LRRN4: variants seen among roughly 807,000 people sequenced by gnomAD.
LRRN4 encodes the protein leucine rich repeat neuronal 4.
LRRN4 carries 26 observed loss-of-function variants against 22.3 expected under a neutral mutation model. The observed-to-expected ratio is 1.16, with a 90% CI of 0.85 to 1.62. The LOEUF is 1.62. Among genes scored for constraint, LRRN4 ranks in the 40% most tolerant of loss-of-function variants. The pLI is 0.00. For synonymous variants in LRRN4, 496 were observed against 486.2 expected (o/e 1.02, Z -0.26); for missense variants, 1,070 against 1,008.5 (o/e 1.06, Z -0.83).
At chr20:6,051,146 A>G (rs1165947832) in intron 2 of LRRN4, among the ~76,000 whole-genome samples, 163 bp from the exon 3 acceptor site, 1 of 152,214 alleles carries the variant, frequency 6.6e-6, no homozygotes, top group Non-Finnish European at 1.5e-5. Context: ...TGGTCATTTC[A>G]GCTGGAAGGG....
chr20:6,052,085 C>G, intron 2 of LRRN4, 60 bp downstream of exon 2: 2 of 1,513,264 alleles, frequency 1.3e-6, no homozygotes, highest in Non-Finnish European at 1.8e-6. Flanking sequence ...CCCCCCGGAG[C>G]GCACGCGCAG....
At position 6,047,754 on chromosome 20, in the gene LRRN4, G is replaced by A. The variant is rs1049700587; in HGVS notation, c.860+3025C>T. On this transcript the variant is annotated intron_variant, in intron 3 of 4. Transcript: ENST00000378858. Reference sequence around the variant, plus strand: ...TGCAGTGAGCTGAGATAGAGCCACTGCACTCCATCCTGGTGGCAGAGCAAG... The same window carrying A: ...TGCAGTGAGCTGAGATAGAGCCACTACACTCCATCCTGGTGGCAGAGCAAG... Among the ~76,000 whole-genome samples the A allele has an allele frequency of 3.3e-5, 5 of 150,048 alleles. No individual in the cohort carries two copies. The East Asian group carries it at 9.7e-4, about 29-fold the overall frequency.
At chr20:6,052,909 G>A (rs537231637) in intron 1 of LRRN4, 105 bp from the exon 2 acceptor site, 21 of 1,179,018 alleles carry the variant, frequency 1.8e-5, no homozygotes, top group South Asian at 6.3e-5. Flanking sequence ...GAGGAGCACA[G>A]GCGCTGGATG....
At position 6,041,700 on chromosome 20, in the gene LRRN4, G is replaced by A. The variant is rs777451259; in HGVS notation, c.1545C>T (p.Ser515=). 11 of 1,613,288 alleles carry A rather than the reference G, an allele frequency of 6.8e-6. No individual in the cohort carries two copies. In the South Asian group the frequency reaches 8.8e-5, roughly 13 times the overall value. Residue 515 remains serine, a synonymous_variant, in exon 5 of 5, where the codon TCC becomes TCT. Coordinates refer to ENST00000378858, the MANE Select transcript of LRRN4 (RefSeq NM_152611.5). This position sits in a 1 kb window ranked among gnomAD's most constrained non-coding sequence, Gnocchi z 9.4. ...ATPQAPNPSL[S]EGEIPVLLLD... The stretch of plus-strand genomic sequence containing the variant: ...GCAGCAAGACTGGAATCTCGCCCTC[G>A]GAAAGACTCGGGTTGGGGGCTTGGG...
In LRRN4 at chr20:6,052,520, C is replaced by G; in HGVS notation, c.280G>C (p.Glu94Gln). ...HNLLRALSTSELGHLEQLQVL... is the reference protein window; with the variant it reads ...HNLLRALSTSQLGHLEQLQVL... ...TGCAGCTGCTCCAGGTGGCCGAGCTCGGAAGTGCTCAGGGCGCGCAGCAGG... is the reference window on the plus strand; with the variant it reads ...TGCAGCTGCTCCAGGTGGCCGAGCTGGGAAGTGCTCAGGGCGCGCAGCAGG... The change falls in exon 2 of 5, where the codon GAG (glutamate) becomes CAG (glutamine). Residue 94 changes from glutamate (E) to glutamine (Q), a missense_variant. By Grantham distance (29) the Glu-to-Gln change is conservative (BLOSUM62 2). Coordinates refer to ENST00000378858, the MANE Select transcript of LRRN4 (RefSeq NM_152611.5). 6.3e-7 allele frequency: 1 copy of G among 1,586,180 alleles called. No homozygotes were observed.
Position 6,044,602 on chromosome 20 carries a change from G to A in LRRN4, c.939C>T (p.Leu313=). 6.3e-7 allele frequency: 1 copy of A among 1,594,946 alleles called. No homozygotes were observed. The highest frequency in any genetic ancestry group is 8.5e-7 in the Non-Finnish European group (1 of 1,170,806). ...GCCAAGACAAGTCACAACTGCAAGT[G>A]AGGGGGTTGCCAAAGAGGTTGATCG... ...VLSINLFGNP[L]TCSCDLSWLL... is the part of the protein sequence containing the mutation. The change falls in exon 4 of 5, where the codon CTC becomes CTT. Residue 313 remains leucine, a synonymous_variant. Coordinates refer to ENST00000378858, the MANE Select transcript of LRRN4 (RefSeq NM_152611.5).
chr20:6,041,545 C>G lies in LRRN4; in HGVS notation c.1700G>C (p.Arg567Pro), dbSNP rs757312459. ...TPCAELQRRW[R>P]CRCPGLSGED... ...CCCGCTGAGGCCGGGGCACCGGCACCGCCACCGCCTCTGCAGCTCCGCGCA... is the reference window on the plus strand; with the variant it reads ...CCCGCTGAGGCCGGGGCACCGGCACGGCCACCGCCTCTGCAGCTCCGCGCA... The change falls in exon 5 of 5, where the codon CGG becomes CCG. Residue 567 changes from arginine (R) to proline (P), a missense_variant. Physicochemically the swap from Arg to Pro is moderately radical, Grantham distance 103. Coordinates refer to ENST00000378858, the MANE Select transcript of LRRN4 (RefSeq NM_152611.5). This position sits in a 1 kb window ranked among gnomAD's most constrained non-coding sequence, Gnocchi z 9.4. 2 of 1,549,154 alleles carry G rather than the reference C, an allele frequency of 1.3e-6. No individual in the cohort carries two copies. Among genetic ancestry groups the G allele is most frequent in the African/African-American group, 2.7e-5 (2 of 73,298 alleles).
intron 1 of LRRN4, 130 bp from the exon 2 acceptor site, chr20:6,052,934 G>C (rs1273066764): frequency 2.0e-6 from 2 of 1,004,024 alleles, no homozygotes; most frequent in Non-Finnish European, 2.8e-6. Context: ...CTGCAGGGCG[G>C]GGAGACGTTC....
chr20:6,052,574 TGC>T lies in LRRN4; in HGVS notation c.224_225del (p.Arg75HisfsTer142). The T allele has an allele frequency of 6.3e-7, 1 of 1,581,544 alleles. No homozygotes were observed. Among genetic ancestry groups the T allele is most frequent in the Admixed American group, 1.8e-5 (1 of 56,344 alleles). The part of the protein sequence containing the change: ...NLERLPGCLP[R>X]TLRSLDASHN... The stretch of plus-strand genomic sequence containing the variant: ...TGGCTGGCGTCGAGGCTGCGCAGTG[TGC>T]GCGGTAGGCAGCCGGGCAGGCGCTC... On this transcript the variant is annotated frameshift_variant, in exon 2 of 5. Coordinates refer to ENST00000378858, the MANE Select transcript of LRRN4 (RefSeq NM_152611.5). LOFTEE classifies it high-confidence loss of function.
At position 6,041,667 on chromosome 20, in the gene LRRN4, G is replaced by C. The variant is rs952097705; in HGVS notation, c.1578C>G (p.Asp526Glu). The C allele has an allele frequency of 6.2e-7, 1 of 1,611,858 alleles. No individual in the cohort carries two copies. The highest frequency in any genetic ancestry group is 1.1e-5 in the South Asian group (1 of 90,630). The change falls in exon 5 of 5, where the codon GAC (aspartate) becomes GAG (glutamate). Residue 526 changes from aspartate (D) to glutamate (E), a missense_variant. Asp to Glu is a conservative substitution (Grantham distance 45, BLOSUM62 2). Coordinates refer to ENST00000378858, the MANE Select transcript of LRRN4 (RefSeq NM_152611.5). This position sits in a 1 kb window ranked among gnomAD's most constrained non-coding sequence, Gnocchi z 9.4. ...TCCTCCCTTCCTCCTCCTCACTGTAGTCGTCCAGCAGCAAGACTGGAATCT... is the reference window on the plus strand; with the variant it reads ...TCCTCCCTTCCTCCTCCTCACTGTACTCGTCCAGCAGCAAGACTGGAATCT... ...EGEIPVLLLD[D>E]YSEEEEGRKE...
Position 6,044,553 on chromosome 20 carries a change from C to G in LRRN4, c.988G>C (p.Val330Leu). Residue 330 changes from valine (V) to leucine (L), a missense_variant, in exon 4 of 5, where the codon GTC (valine) becomes CTC (leucine). Val to Leu is a conservative substitution (Grantham distance 32). Coordinates refer to ENST00000378858, the MANE Select transcript of LRRN4 (RefSeq NM_152611.5). ...TTGTAAATGTGTTACCTGCTTAGGA[C>G]AGTTCTCTTTGCATCCGTGAGGAGC... ...SWLLTDAKRT[V>L]LSRAADTMCA... 6.3e-7 allele frequency: 1 copy of G among 1,577,814 alleles called. No homozygotes were observed. Among genetic ancestry groups the G allele is most frequent in the Non-Finnish European group, 8.6e-7 (1 of 1,163,474 alleles).
intron 3 of LRRN4, among the ~76,000 whole-genome samples, chr20:6,048,397 C>T (rs1981161274): frequency 6.6e-6 from 1 of 152,074 alleles, no homozygotes; most frequent in Admixed American, 6.5e-5. Context: ...CTTTATACTC[C>T]CAAATTTATA....
intron 4 of LRRN4, among the ~76,000 whole-genome samples, chr20:6,042,820 G>A (rs1981002433): frequency 6.6e-6 from 1 of 151,128 alleles, no homozygotes; most frequent in Admixed American, 6.6e-5. Context: ...TCAGGAGGCA[G>A]AGGCAGGAGA....
rs759496712 is a variant in LRRN4, at chr20:6,050,849, G to A, written c.790C>T (p.Pro264Ser). ...NLQQLDCQDS[P>S]ALASVATHIF... ...TGTGTGGCGACAGAAGCAAGTGCTG[G>A]GGAGTCCTGACAGTCCAGCTGCTGC... is the stretch of plus-strand genomic sequence containing the variant. The change falls in exon 3 of 5, where the codon CCA (proline) becomes TCA (serine). Residue 264 changes from proline to serine, a missense_variant. Pro to Ser is a moderately conservative substitution (Grantham distance 74). Coordinates refer to ENST00000378858, the MANE Select transcript of LRRN4 (RefSeq NM_152611.5). 1 of 1,614,040 alleles carries A rather than the reference G, an allele frequency of 6.2e-7. No individual in the cohort carries two copies. Among genetic ancestry groups the A allele is most frequent in the South Asian group, 1.1e-5 (1 of 91,072 alleles).
chr20:6,048,042 A>G (rs1407384295), intron 3 of LRRN4, among the ~76,000 whole-genome samples: 1 of 152,036 alleles, frequency 6.6e-6, no homozygotes, highest in African/African-American at 2.4e-5. Context: ...GACTCCTGCA[A>G]TGACTCTTCC....
Position 6,052,579 on chromosome 20 carries a change from G to C in LRRN4, c.221C>G (p.Pro74Arg), listed in dbSNP as rs745454824. Residue 74 changes from proline to arginine, a missense_variant, in exon 2 of 5, where the codon CCG becomes CGG. Coordinates refer to ENST00000378858, the MANE Select transcript of LRRN4 (RefSeq NM_152611.5). Reference sequence around the variant, plus strand: ...GGCGTCGAGGCTGCGCAGTGTGCGCGGTAGGCAGCCGGGCAGGCGCTCCAG... The same window carrying C: ...GGCGTCGAGGCTGCGCAGTGTGCGCCGTAGGCAGCCGGGCAGGCGCTCCAG... ...RNLERLPGCLPRTLRSLDASH... is the reference protein window; with the variant it reads ...RNLERLPGCLRRTLRSLDASH... 1.9e-6 allele frequency: 3 copies of C among 1,581,994 alleles called. No homozygotes were observed. The highest frequency in any genetic ancestry group is 2.6e-6 in the Non-Finnish European group (3 of 1,172,470).
At chr20:6,046,485 T>C (rs1215273217) in intron 3 of LRRN4, among the ~76,000 whole-genome samples, 1 of 148,566 alleles carries the variant, frequency 6.7e-6, no homozygotes, top group African/African-American at 2.4e-5. Context: ...ACAGAGTGTT[T>C]GGCCTTGACT....
In LRRN4 at chr20:6,040,744, G is replaced by T; in HGVS notation, c.*278C>A. 1 of 478,810 alleles carries T rather than the reference G, an allele frequency of 2.1e-6. No homozygotes were observed. The highest frequency in any genetic ancestry group is 3.8e-6 in the Non-Finnish European group (1 of 266,418). 29.7% of individuals were successfully genotyped at this position (478,810 alleles called of 1,614,324 possible). On this transcript the variant is annotated 3_prime_UTR_variant, in exon 5 of 5. Coordinates refer to ENST00000378858, the MANE Select transcript of LRRN4 (RefSeq NM_152611.5). ...AGAGAGGCACTGACTGCTGAAAACC[G>T]CAAATGAACCAACAACACACAAGAA...
rs1981284978 is a variant in LRRN4, at chr20:6,052,531, A to G, written c.269T>C (p.Leu90Pro). 2.5e-6 allele frequency: 4 copies of G among 1,587,786 alleles called. No homozygotes were observed. The highest frequency in any genetic ancestry group is 2.3e-5 in the East Asian group (1 of 44,362). ...LDASHNLLRA[L>P]STSELGHLEQ... ...CAGGTGGCCGAGCTCGGAAGTGCTC[A>G]GGGCGCGCAGCAGGTTGTGGCTGGC... The change falls in exon 2 of 5, where the codon CTG becomes CCG. Residue 90 changes from leucine to proline, a missense_variant. By Grantham distance (98) the Leu-to-Pro change is moderately conservative (BLOSUM62 -3). Coordinates refer to ENST00000378858, the MANE Select transcript of LRRN4 (RefSeq NM_152611.5).
Sources: gnomAD v4.1 joint callset for allele counts (sites outside exome capture counted in the v4.1 genomes callset) on GRCh38, gnomAD v4.1.1 for gene constraint, Gnocchi (gnomAD v3.1) non-coding constraint, MANE v1.5 for transcripts, NCBI Gene and HGNC (gene_info 2026-07-23, HGNC 2026-07-21) for gene names.